FSHR: variants seen among roughly 807,000 people sequenced by gnomAD.
FSHR encodes follicle stimulating hormone receptor.
Under a neutral mutation model 52.1 loss-of-function variants are expected in FSHR, and 46 were observed. The ratio of observed to expected loss-of-function variants is 0.88; its 90% CI spans 0.70 to 1.13. The LOEUF (loss-of-function observed/expected upper bound fraction) is 1.13. Ranked by LOEUF, FSHR falls within the 50% of genes most tolerant of loss-of-function variation. The pLI, the probability that FSHR is intolerant of heterozygous loss-of-function variation, is 0.00. For synonymous variants in FSHR, 399 were observed against 309.6 expected (o/e 1.29, Z -3.03); for missense variants, 964 against 834.6 (o/e 1.16, Z -1.91).
At chr2:48,982,503 C>T (rs1407102701) in intron 8 of FSHR, among the ~76,000 whole-genome samples, 1 of 152,110 alleles carries the variant, frequency 6.6e-6, no homozygotes, top group African/African-American at 2.4e-5. Flanking sequence ...TGGGTCTGTA[C>T]CATGAGTTAG....
intron 4 of FSHR, among the ~76,000 whole-genome samples, chr2:48,994,941 A>C (rs10490116): frequency 0.59 from 89,045 of 151,938 alleles, 26,788 homozygotes; most frequent in Non-Finnish European, 0.66. Flanking sequence ...GCTTCTCTCC[A>C]ATCAGGATAA....
chr2:49,097,988 A>G (rs1670889228), intron 1 of FSHR, among the ~76,000 whole-genome samples: 1 of 152,156 alleles, frequency 6.6e-6, no homozygotes, highest in Non-Finnish European at 1.5e-5. Context: ...ACCATTATAT[A>G]TCTATATTAT....
chr2:48,964,256 T>C (rs1466407248), intron 9 of FSHR, among the ~76,000 whole-genome samples: 3 of 152,098 alleles, frequency 2.0e-5, no homozygotes, highest in African/African-American at 7.2e-5. Flanking sequence ...TGCTGTTAAG[T>C]GAAAATAATT....
At chr2:49,133,887 T>C (rs2103818182) in intron 1 of FSHR, among the ~76,000 whole-genome samples, 1 of 152,280 alleles carries the variant, frequency 6.6e-6, no homozygotes, top group African/African-American at 2.4e-5. Context: ...TGAAACTGGA[T>C]TCCTTCCTTA....
intron 1 of FSHR, among the ~76,000 whole-genome samples, chr2:49,086,081 T>G (rs1295172422): frequency 2.0e-5 from 3 of 152,130 alleles, no homozygotes; most frequent in African/African-American, 7.2e-5. Context: ...ACCTGCACAT[T>G]GTGCACATGT....
At chr2:49,061,750 C>CTATA (rs1388171479) in intron 2 of FSHR, among the ~76,000 whole-genome samples, 2,756 of 58,422 alleles carry the variant, frequency 0.047, 82 homozygotes, top group East Asian at 0.19. Flanking sequence ...TTATATATAA[C>CTATA]TATTTATATA....
chr2:49,154,374 C>T lies in FSHR; in HGVS notation c.44G>A (p.Gly15Asp). Residue 15 changes from glycine to aspartate, a missense_variant, in exon 1 of 10, where the codon GGC (glycine) becomes GAC (aspartate). Transcript: ENST00000406846. ...LVSLLAFLSL[G>D]SGCHHRICHC... Reference sequence around the variant, plus strand: ...ACAGATCCGATGATGACATCCTGAGCCCAAGCTCAGGAATGCCAGCAAAGA... The same window carrying T: ...ACAGATCCGATGATGACATCCTGAGTCCAAGCTCAGGAATGCCAGCAAAGA... 1 of 1,613,284 alleles carries T rather than the reference C, an allele frequency of 6.2e-7. No individual in the cohort carries two copies. The highest frequency in any genetic ancestry group is 8.5e-7 in the Non-Finnish European group (1 of 1,179,896).
chr2:48,977,123 C>CCT (rs10558428), intron 8 of FSHR, among the ~76,000 whole-genome samples: 3,235 of 149,530 alleles, frequency 0.022, 179 homozygotes, highest in East Asian at 0.16. Context: ...AATCCCCTCT[C>CCT]CTCTCTCTCT....
chr2:49,149,287 C>G (rs1019711769), intron 1 of FSHR, among the ~76,000 whole-genome samples: 5 of 151,926 alleles, frequency 3.3e-5, no homozygotes, highest in Non-Finnish European at 7.4e-5. Flanking sequence ...TCATGGTTAC[C>G]TATAGTCTAT....
At chr2:49,039,443 G>A (rs1668405545) in intron 2 of FSHR, among the ~76,000 whole-genome samples, 1 of 152,116 alleles carries the variant, frequency 6.6e-6, no homozygotes, top group Non-Finnish European at 1.5e-5. Context: ...CGTGGAGGAG[G>A]GCACAGAGCA....
At chr2:49,134,753 A>G (rs1441090676) in intron 1 of FSHR, among the ~76,000 whole-genome samples, 1 of 152,244 alleles carries the variant, frequency 6.6e-6, no homozygotes, top group Non-Finnish European at 1.5e-5. Flanking sequence ...TGATGCGTTC[A>G]TGTCCTTTGT....
At chr2:49,110,197 T>G (rs900265430) in intron 1 of FSHR, among the ~76,000 whole-genome samples, 2 of 152,144 alleles carry the variant, frequency 1.3e-5, no homozygotes, top group Non-Finnish European at 2.9e-5. Flanking sequence ...GTACTAAGTG[T>G]TTTTACCTTT....
chr2:49,039,973 T>G (rs1668424057), intron 2 of FSHR, among the ~76,000 whole-genome samples: 1 of 152,050 alleles, frequency 6.6e-6, no homozygotes. Context: ...ATCATAAAAA[T>G]GTCCTATCTT....
chr2:49,137,751 T>G (rs1672536768), intron 1 of FSHR, among the ~76,000 whole-genome samples: 1 of 152,112 alleles, frequency 6.6e-6, no homozygotes, highest in South Asian at 2.1e-4. Flanking sequence ...AATATTCACA[T>G]GCAAGATTGA....
At chr2:49,089,337 A>G (rs1441237980) in intron 1 of FSHR, among the ~76,000 whole-genome samples, 2 of 152,124 alleles carry the variant, frequency 1.3e-5, no homozygotes, top group African/African-American at 4.8e-5. Flanking sequence ...AATCAAGATA[A>G]ATAACTGTTT....
In FSHR at chr2:49,013,983, C is replaced by G. The variant is rs147702601; in HGVS notation, c.374+3506G>C. Among the ~76,000 whole-genome samples, 347 of 152,140 alleles carry G rather than the reference C, an allele frequency of 2.3e-3. 2 individuals carry two copies. The highest frequency in any genetic ancestry group is 7.6e-3 in the African/African-American group (317 of 41,538). ...ACCAAGGTAAGGCCATGTGCATATACATTGTAAGGATGCAATGGGAAGATG... is the reference window on the plus strand; with the variant it reads ...ACCAAGGTAAGGCCATGTGCATATAGATTGTAAGGATGCAATGGGAAGATG... On this transcript the variant is annotated intron_variant, in intron 4 of 9. Coordinates refer to ENST00000406846, the MANE Select transcript of FSHR (RefSeq NM_000145.4).
At chr2:49,022,088 C>T (rs894119565) in intron 2 of FSHR, among the ~76,000 whole-genome samples, 2 of 151,198 alleles carry the variant, frequency 1.3e-5, no homozygotes, top group African/African-American at 2.4e-5. Flanking sequence ...GAGAATAAGG[C>T]ATGCAGGAAA....
chr2:49,052,752 G>T (rs35054867), intron 2 of FSHR, among the ~76,000 whole-genome samples: 6 of 152,166 alleles, frequency 3.9e-5, no homozygotes, highest in African/African-American at 1.2e-4. Context: ...GGGACTCAAG[G>T]CTGCTTTGAC....
chr2:49,151,566 G>A (rs1019027255), intron 1 of FSHR, among the ~76,000 whole-genome samples: 3 of 152,078 alleles, frequency 2.0e-5, no homozygotes, highest in Non-Finnish European at 4.4e-5. Context: ...TGAATGGAAT[G>A]ATAGGATAAA....
Sources: gnomAD v4.1 joint callset for allele counts (sites outside exome capture counted in the v4.1 genomes callset) on GRCh38, gnomAD v4.1.1 for gene constraint, MANE v1.5 for transcripts, NCBI Gene and HGNC (gene_info 2026-07-23, HGNC 2026-07-21) for gene names.